The following SNX29 variants were observed in gnomAD, a reference collection of about 807,000 sequenced individuals.
SNX29 encodes the protein sorting nexin-29.
In SNX29, 78 loss-of-function variants were observed where a neutral mutation model predicts 102.1. That is an observed-to-expected ratio of 0.76 (90% CI 0.64 to 0.92). The LOEUF is 0.92. Among genes scored for constraint, SNX29 ranks in the 40% least tolerant of loss-of-function variants. The pLI, the probability that SNX29 is intolerant of heterozygous loss-of-function variation, is 0.00. For synonymous variants in SNX29, 580 were observed against 414.5 expected, an observed-to-expected ratio of 1.40 and a Z score of -4.85; for missense variants, 1,280 against 1,061.7, an observed-to-expected ratio of 1.21 and a Z score of -2.86.
At chr16:12,391,039 G>T (rs2083511988) in intron 16 of SNX29, among the ~76,000 whole-genome samples, 1 of 152,094 alleles carries the variant, frequency 6.6e-6, no homozygotes, top group African/African-American at 2.4e-5. Context: ...TCTGCCTCCT[G>T]GGATCAGGCA....
intron 11 of SNX29, among the ~76,000 whole-genome samples, chr16:12,100,283 C>G (rs1376442311): frequency 6.6e-6 from 1 of 152,156 alleles, no homozygotes; most frequent in African/African-American, 2.4e-5. Context: ...CTGTCCTGTG[C>G]ATTGTAGGAA....
chr16:12,437,650 C>G (rs1202823201), intron 18 of SNX29, among the ~76,000 whole-genome samples: 2 of 152,160 alleles, frequency 1.3e-5, no homozygotes, highest in Admixed American at 6.5e-5. Context: ...CCATAGCTGC[C>G]CTCTCCTCCT....
At chr16:12,091,016 A>C (rs1264442521) in intron 11 of SNX29, among the ~76,000 whole-genome samples, 1 of 87,740 alleles carries the variant, frequency 1.1e-5, no homozygotes, top group Non-Finnish European at 2.4e-5. Context: ...CTTCATCTCA[A>C]AAAAAAAAAA....
Position 12,571,138 on chromosome 16 carries a change from C to T in SNX29, c.*2509C>T, listed in dbSNP as rs891402906. 8.6e-6 allele frequency: 2 copies of T among 232,488 alleles called. No individual in the cohort carries two copies. Among genetic ancestry groups the T allele is most frequent in the Non-Finnish European group, 1.7e-5 (2 of 117,640 alleles). The allele number at this position is 232,488 out of a possible 1,614,324, so 14.4% of individuals were successfully genotyped here. ...TAGAATGTTCTGCAATGATTGGGTC[C>T]ATCTTGCTGCTCAGAAGAATCCCGT... On this transcript the variant is annotated 3_prime_UTR_variant, in exon 21 of 21. Transcript: ENST00000566228.
chr16:12,256,033 C>T (rs1006175922), intron 14 of SNX29, among the ~76,000 whole-genome samples: 3 of 152,180 alleles, frequency 2.0e-5, no homozygotes, highest in African/African-American at 7.2e-5. Context: ...TCCTCACCAA[C>T]ATTTATCTTT....
chr16:12,007,985 C>T (rs1426870576), intron 3 of SNX29, among the ~76,000 whole-genome samples: 1 of 152,106 alleles, frequency 6.6e-6, no homozygotes, highest in African/African-American at 2.4e-5. Flanking sequence ...GCTCTGTCAC[C>T]CAGGCCGGAG....
intron 20 of SNX29, among the ~76,000 whole-genome samples, chr16:12,526,203 T>C (rs1432327503): frequency 2.0e-5 from 3 of 152,214 alleles, no homozygotes; most frequent in Non-Finnish European, 2.9e-5. Flanking sequence ...TGTAGCTGTT[T>C]AACGGTTGTT....
rs1420317444 is a variant in SNX29, at chr16:12,570,890, T to G, written c.*2261T>G. 1 of 230,704 alleles carries G rather than the reference T, an allele frequency of 4.3e-6. No individual in the cohort carries two copies. The highest frequency in any genetic ancestry group is 8.5e-6 in the Non-Finnish European group (1 of 117,000). The allele number at this position is 230,704 out of a possible 1,614,324, so 14.3% of individuals were successfully genotyped here. A position where few individuals can be genotyped will look rare whatever the true frequency, so the allele number is the denominator to read the frequency against. On this transcript the variant is annotated 3_prime_UTR_variant, in exon 21 of 21. Coordinates refer to ENST00000566228, the MANE Select transcript of SNX29 (RefSeq NM_032167.5). ...TCCTACTTTTATAATACTGAATTAT[T>G]CACAAAAAACCTGGTCTGCTCTCCA...
chr16:12,013,500 A>AAATATATATAT, intron 3 of SNX29, among the ~76,000 whole-genome samples: 5 of 31,624 alleles, frequency 1.6e-4, no homozygotes, highest in African/African-American at 2.0e-4. Context: ...AAAAAAAAAA[A>AAATATATATAT]ATATATATAT....
chr16:12,034,704 G>C (rs1252592551), intron 4 of SNX29, among the ~76,000 whole-genome samples: 1 of 152,180 alleles, frequency 6.6e-6, no homozygotes, highest in Non-Finnish European at 1.5e-5. Context: ...ACCTCTGCCT[G>C]TTTCAAAGGT....
chr16:12,385,144 C>A (rs1000814469), intron 16 of SNX29, among the ~76,000 whole-genome samples: 2 of 152,188 alleles, frequency 1.3e-5, no homozygotes, highest in Non-Finnish European at 2.9e-5. Context: ...GCACTCCAGC[C>A]TGGCAACAAG....
At chr16:12,291,435 C>T (rs2079791391) in intron 15 of SNX29, among the ~76,000 whole-genome samples, 4 of 152,206 alleles carry the variant, frequency 2.6e-5, no homozygotes, top group Admixed American at 2.6e-4. Context: ...CCCCATCATT[C>T]AGTTACCTCC....
intron 20 of SNX29, among the ~76,000 whole-genome samples, chr16:12,560,059 A>T (rs2078630415): frequency 1.3e-5 from 2 of 152,114 alleles, no homozygotes; most frequent in Non-Finnish European, 2.9e-5. Context: ...ATGACTAGAA[A>T]ACTATGTAAC....
chr16:12,294,323 C>T (rs1264487558), intron 15 of SNX29, among the ~76,000 whole-genome samples: 3 of 152,144 alleles, frequency 2.0e-5, no homozygotes, highest in African/African-American at 7.2e-5. Flanking sequence ...GTCTCATTTG[C>T]CTGTTTTGGG....
chr16:12,379,215 C>T (rs949141115), intron 16 of SNX29, among the ~76,000 whole-genome samples: 3 of 152,220 alleles, frequency 2.0e-5, no homozygotes, highest in African/African-American at 7.2e-5. Context: ...TGAGTCCCTG[C>T]AGCCTCACCC....
intron 16 of SNX29, chr16:12,372,535 G>T (rs1039791759): frequency 1.3e-5 from 2 of 152,204 alleles, no homozygotes; most frequent in Admixed American, 1.3e-4. Flanking sequence ...AACATACCTT[G>T]CCCTGGAGGT....
chr16:12,091,632 A>C (rs920216111), intron 11 of SNX29, among the ~76,000 whole-genome samples: 5 of 151,988 alleles, frequency 3.3e-5, no homozygotes, highest in African/African-American at 4.8e-5. Context: ...CACACACACA[A>C]AAATTAGACT....
intron 16 of SNX29, among the ~76,000 whole-genome samples, chr16:12,370,326 A>T (rs4780424): frequency 6.6e-6 from 1 of 152,016 alleles, no homozygotes; most frequent in East Asian, 1.9e-4. Flanking sequence ...TTGGGAGGCC[A>T]AGGCGAGCGG....
intron 14 of SNX29, among the ~76,000 whole-genome samples, chr16:12,239,878 A>T (rs1306079044): frequency 6.6e-6 from 1 of 152,178 alleles, no homozygotes; most frequent in African/African-American, 2.4e-5. Flanking sequence ...TTAAAGTAGC[A>T]CCAGGACAGA....
Sources: gnomAD v4.1 joint callset for allele counts (sites outside exome capture counted in the v4.1 genomes callset) on GRCh38, gnomAD v4.1.1 for gene constraint, MANE v1.5 for transcripts, NCBI Gene and HGNC (gene_info 2026-07-23, HGNC 2026-07-21) for gene names.